KLF8: variants seen among roughly 807,000 people sequenced by gnomAD.
KLF8 encodes Krueppel-like factor 8.
In KLF8, 10 loss-of-function variants were observed where a neutral mutation model predicts 18.2. The observed-to-expected ratio is 0.55, with a 90% CI of 0.34 to 0.93. The LOEUF is 0.93. Among genes scored for constraint, KLF8 ranks in the 40% least tolerant of loss-of-function variants. The probability of loss-of-function intolerance (pLI) is 0.02; values close to 1 mark genes in which losing one functional copy is unlikely to be tolerated. For missense variants in KLF8, 264 were observed against 277.9 expected (o/e 0.95, Z 0.36); for synonymous variants, 109 against 97.3 (o/e 1.12, Z -0.71).
At chrX:55,913,729 T>C in the KLF8 span, among the ~76,000 whole-genome samples, 4 of 111,626 alleles carry the variant, frequency 3.6e-5, no homozygotes, top group Admixed American at 3.8e-4. Flanking sequence ...CCCTCGGAAA[T>C]GAATACAGAG....
upstream of KLF8, among the ~76,000 whole-genome samples, chrX:56,229,521 C>G (rs1419281257): frequency 8.9e-6 from 1 of 111,968 alleles, no homozygotes; most frequent in Non-Finnish European, 1.9e-5. Context: ...TCTAGTTCCC[C>G]ATACCTGCTC....
At chrX:56,121,682 A>T in the KLF8 span, among the ~76,000 whole-genome samples, 1 of 112,575 alleles carries the variant, frequency 8.9e-6, no homozygotes. Context: ...ATTCAAATAA[A>T]GGCTACTTGC....
At chrX:55,947,400 C>T in the KLF8 span, among the ~76,000 whole-genome samples, 2 of 106,163 alleles carry the variant, frequency 1.9e-5, no homozygotes, top group East Asian at 5.9e-4. Flanking sequence ...AAAAACCAAA[C>T]ACCGCATATT....
At chrX:56,166,845 T>G in the KLF8 span, among the ~76,000 whole-genome samples, 1 of 111,635 alleles carries the variant, frequency 9.0e-6, no homozygotes, top group Non-Finnish European at 1.9e-5. Flanking sequence ...GGTTGAAGCC[T>G]ACTATAGAGG....
the KLF8 span, among the ~76,000 whole-genome samples, chrX:56,020,085 A>G: frequency 8.9e-6 from 1 of 112,132 alleles, no homozygotes; most frequent in African/African-American, 3.2e-5. Flanking sequence ...AGTTAGGTGG[A>G]AGGCACAACA....
chrX:56,019,972 T>C, the KLF8 span, among the ~76,000 whole-genome samples: 1 of 111,825 alleles, frequency 8.9e-6, no homozygotes, highest in African/African-American at 3.2e-5. Flanking sequence ...CTGACTGCAA[T>C]GTGACAGAAG....
the KLF8 span, among the ~76,000 whole-genome samples, chrX:56,104,234 A>T: frequency 9.0e-6 from 1 of 111,502 alleles, no homozygotes; most frequent in Admixed American, 9.5e-5. Context: ...TCATAAAATG[A>T]GTTAGGGAGG....
At chrX:56,219,467 T>A in the KLF8 span, among the ~76,000 whole-genome samples, 1 of 112,157 alleles carries the variant, frequency 8.9e-6, no homozygotes, top group Non-Finnish European at 1.9e-5. Context: ...GGGCCATTGC[T>A]AAAGCGCCAG....
At chrX:55,921,470 C>T in the KLF8 span, among the ~76,000 whole-genome samples, 1 of 111,935 alleles carries the variant, frequency 8.9e-6, no homozygotes, top group South Asian at 3.7e-4. Flanking sequence ...AGTCAGGTAG[C>T]ATGATGCCTC....
chrX:56,190,775 G>A, the KLF8 span, among the ~76,000 whole-genome samples: 2 of 111,377 alleles, frequency 1.8e-5, no homozygotes, highest in African/African-American at 6.5e-5. Context: ...CTTGAAAGAA[G>A]TGAATACCCA....
chrX:56,093,569 A>G, the KLF8 span, among the ~76,000 whole-genome samples: 3 of 110,956 alleles, frequency 2.7e-5, no homozygotes, highest in African/African-American at 9.8e-5. Context: ...CCTTTATAAG[A>G]AAGGAAAATG....
chrX:56,082,307 A>G, the KLF8 span, among the ~76,000 whole-genome samples: 3 of 111,358 alleles, frequency 2.7e-5, no homozygotes, highest in South Asian at 7.5e-4. Flanking sequence ...ATTATATCTC[A>G]TGATTCATTT....
At chrX:56,138,642 A>G in the KLF8 span, among the ~76,000 whole-genome samples, 1 of 111,240 alleles carries the variant, frequency 9.0e-6, no homozygotes, top group Non-Finnish European at 1.9e-5. Context: ...AACCTCAACT[A>G]ATTAGGCATT....
At chrX:55,930,181 G>T in the KLF8 span, among the ~76,000 whole-genome samples, 1 of 111,637 alleles carries the variant, frequency 9.0e-6, no homozygotes, top group Non-Finnish European at 1.9e-5. Flanking sequence ...TTGGCTCTCT[G>T]TTTGTCTGTT....
At chrX:56,227,575 C>A (rs1225698690), upstream of KLF8, among the ~76,000 whole-genome samples, 1 of 111,169 alleles carries the variant, frequency 9.0e-6, no homozygotes, top group Non-Finnish European at 1.9e-5. Context: ...GAACTCCTGA[C>A]CTCGTGATGA....
At chrX:56,079,256 C>G in the KLF8 span, among the ~76,000 whole-genome samples, 1 of 110,965 alleles carries the variant, frequency 9.0e-6, no homozygotes, top group African/African-American at 3.3e-5. Context: ...TTTGGATCTT[C>G]CCTGCTTCTC....
the KLF8 span, among the ~76,000 whole-genome samples, chrX:56,142,470 G>A: frequency 1.8e-5 from 2 of 110,783 alleles, no homozygotes; most frequent in African/African-American, 6.6e-5. Context: ...ATCAATCTTC[G>A]GAGCTTGTTT....
chrX:55,958,606 G>A, the KLF8 span, among the ~76,000 whole-genome samples: 3,678 of 111,722 alleles, frequency 0.033, 56 homozygotes, highest in South Asian at 0.067. Flanking sequence ...ATGGAGATAT[G>A]CTTCATTCAA....
chrX:56,163,364 G>A, the KLF8 span, among the ~76,000 whole-genome samples: 1 of 111,856 alleles, frequency 8.9e-6, no homozygotes, highest in African/African-American at 3.2e-5. Context: ...AGGTTTTTTT[G>A]ATATGATTTT....
Sources: gnomAD v4.1 joint callset for allele counts (sites outside exome capture counted in the v4.1 genomes callset) on GRCh38, gnomAD v4.1.1 for gene constraint, MANE v1.5 for transcripts, NCBI Gene and HGNC (gene_info 2026-07-23, HGNC 2026-07-21) for gene names.